Variants in OPCML observed in about 807,000 individuals in gnomAD.
The protein encoded by OPCML is opioid-binding protein/cell adhesion molecule.
A neutral mutation model predicts 37.8 loss-of-function variants in OPCML; 13 were observed. The ratio of observed to expected loss-of-function variants is 0.34; its 90% confidence interval spans 0.22 to 0.55. OPCML has a LOEUF of 0.55. Among genes scored for constraint, OPCML ranks in the 20% least tolerant of loss-of-function variants. The pLI is 0.91. For missense variants in OPCML, 341 were observed against 435.6 expected (o/e 0.78, Z 1.93); for synonymous variants, 176 against 168.8 (o/e 1.04, Z -0.33).
intron 2 of OPCML, among the ~76,000 whole-genome samples, chr11:132,692,089 G>C (rs1159810309): frequency 1.3e-5 from 2 of 152,186 alleles, no homozygotes; most frequent in Admixed American, 6.5e-5. Flanking sequence ...CTGATTTCTA[G>C]TGTTCTTCAA....
chr11:132,441,158 C>CT lies in OPCML; in HGVS notation c.506-3800dup, dbSNP rs749099654. On this transcript the variant is annotated intron_variant, in intron 4 of 7. Transcript: ENST00000524381. ...ATTCTGAAGATGTGTTCACCAAGGACTTTTTTGTTTTTTTTTTTTTTTTTT... is the reference window on the plus strand; with the variant it reads ...ATTCTGAAGATGTGTTCACCAAGGACTTTTTTTGTTTTTTTTTTTTTTTTTT... Among the ~76,000 whole-genome samples, 234 of 108,014 alleles carry CT rather than the reference C, an allele frequency of 2.2e-3. 24 individuals are homozygous for CT. The highest frequency in any genetic ancestry group is 8.6e-3 in the African/African-American group (195 of 22,744). 70.9% of individuals were successfully genotyped at this position (108,014 alleles called of 152,430 possible).
intron 2 of OPCML, among the ~76,000 whole-genome samples, chr11:132,685,737 A>G (rs1943137161): frequency 6.6e-6 from 1 of 152,214 alleles, no homozygotes; most frequent in Non-Finnish European, 1.5e-5. Context: ...TATCAGAAAT[A>G]AACACAGTTC....
chr11:133,451,761 G>A (rs950777385), intron 1 of OPCML, among the ~76,000 whole-genome samples: 1 of 151,246 alleles, frequency 6.6e-6, no homozygotes, highest in African/African-American at 2.5e-5. Context: ...AGAATTGCTT[G>A]AACCCGGGAG....
chr11:133,298,352 C>T (rs1942681085), intron 1 of OPCML: 1 of 152,108 alleles, frequency 6.6e-6, no homozygotes, highest in African/African-American at 2.4e-5. Context: ...GTAAGAAAGA[C>T]AGAAAATGGT....
chr11:133,203,067 C>A (rs748935334), intron 1 of OPCML, among the ~76,000 whole-genome samples: 1 of 152,202 alleles, frequency 6.6e-6, no homozygotes, highest in Admixed American at 6.5e-5. Context: ...CACCATCACA[C>A]AAACACAGAG....
intron 1 of OPCML, among the ~76,000 whole-genome samples, chr11:133,049,377 T>A (rs1948086863): frequency 6.6e-6 from 1 of 152,054 alleles, no homozygotes; most frequent in Non-Finnish European, 1.5e-5. Flanking sequence ...CAGCCTGGGG[T>A]AGTGGAGTGA....
intron 1 of OPCML, among the ~76,000 whole-genome samples, chr11:133,403,171 T>C (rs531918229): frequency 6.6e-6 from 1 of 152,342 alleles, no homozygotes; most frequent in African/African-American, 2.4e-5. Flanking sequence ...AGGCAATGTG[T>C]AAATCTCACT....
At chr11:133,429,534 T>TA (rs754120079) in intron 1 of OPCML, among the ~76,000 whole-genome samples, 7 of 152,270 alleles carry the variant, frequency 4.6e-5, no homozygotes, top group Non-Finnish European at 7.4e-5. Flanking sequence ...GAAACAAGAC[T>TA]AAAATTGGGA....
At chr11:132,850,397 G>T (rs777667115) in intron 2 of OPCML, among the ~76,000 whole-genome samples, 7 of 152,140 alleles carry the variant, frequency 4.6e-5, no homozygotes, top group Admixed American at 3.9e-4. Context: ...AGTGCTGGTA[G>T]ATTTCTCAAA....
At chr11:133,193,607 C>T (rs1023579388) in intron 1 of OPCML, among the ~76,000 whole-genome samples, 4 of 152,120 alleles carry the variant, frequency 2.6e-5, no homozygotes, top group African/African-American at 9.7e-5. Flanking sequence ...TAAACACCTG[C>T]TCCTTTTGGA....
intron 2 of OPCML, among the ~76,000 whole-genome samples, chr11:132,839,633 T>A (rs1941202044): frequency 6.6e-6 from 1 of 152,138 alleles, no homozygotes; most frequent in Non-Finnish European, 1.5e-5. Context: ...ACACTGCTGT[T>A]GTTGACGCTG....
At chr11:132,653,042 T>A (rs992474878) in intron 3 of OPCML, among the ~76,000 whole-genome samples, 1 of 152,234 alleles carries the variant, frequency 6.6e-6, no homozygotes, top group African/African-American at 2.4e-5. Context: ...AGGAAATTCA[T>A]GCTGAATCTC....
intron 1 of OPCML, chr11:133,007,837 T>A (rs1205198853): frequency 1.0e-6 from 1 of 985,444 alleles, no homozygotes; most frequent in Admixed American, 6.1e-5. Context: ...TTGCAGTTGA[T>A]ACACGGATGG....
chr11:132,828,678 A>G (rs1565893571), intron 2 of OPCML, among the ~76,000 whole-genome samples: 1 of 152,202 alleles, frequency 6.6e-6, no homozygotes, highest in Admixed American at 6.5e-5. Context: ...CTCATGTCAT[A>G]GGCAAATGAC....
chr11:133,499,874 A>ATATAT (rs1555167659), intron 1 of OPCML, among the ~76,000 whole-genome samples: 1 of 120,282 alleles, frequency 8.3e-6, no homozygotes, highest in African/African-American at 3.7e-5. Context: ...ATATATATAT[A>ATATAT]TTTTTTTTTT....
chr11:132,472,866 T>C (rs1177096655), intron 4 of OPCML, among the ~76,000 whole-genome samples: 1 of 152,232 alleles, frequency 6.6e-6, no homozygotes, highest in Non-Finnish European at 1.5e-5. Flanking sequence ...CTCAGTTTCA[T>C]CAAATCAACA....
chr11:133,048,407 A>G (rs1948063321), intron 1 of OPCML, among the ~76,000 whole-genome samples: 1 of 152,102 alleles, frequency 6.6e-6, no homozygotes, highest in Non-Finnish European at 1.5e-5. Flanking sequence ...TATTGACTGC[A>G]TTAGGAGAGA....
intron 1 of OPCML, among the ~76,000 whole-genome samples, chr11:133,187,668 C>A (rs1938146473): frequency 6.6e-6 from 1 of 152,124 alleles, no homozygotes; most frequent in African/African-American, 2.4e-5. Flanking sequence ...GGGCACCCAG[C>A]AGCTGTGCAA....
At position 133,173,280 on chromosome 11, in the gene OPCML, C is replaced by T. The variant is rs1217173060; in HGVS notation, c.62-230270G>A. 6.6e-6 allele frequency among the ~76,000 whole-genome samples: 1 copy of T among 152,196 alleles called. No individual in the cohort carries two copies. The highest frequency in any genetic ancestry group is 2.4e-5 in the African/African-American group (1 of 41,444). ...CAGAATGTTATCATTAACATTGTTA[C>T]AGCTATAATAACATGATTATTTAAT... On this transcript the variant is annotated intron_variant, in intron 1 of 7. Coordinates refer to ENST00000524381, the MANE Select transcript of OPCML (RefSeq NM_001012393.5). The surrounding 1 kb of genome is among the most constrained non-coding windows in gnomAD (Gnocchi z 7.8).
Sources: gnomAD v4.1 joint callset for allele counts (sites outside exome capture counted in the v4.1 genomes callset) on GRCh38, gnomAD v4.1.1 for gene constraint, Gnocchi (gnomAD v3.1) non-coding constraint, MANE v1.5 for transcripts, NCBI Gene and HGNC (gene_info 2026-07-23, HGNC 2026-07-21) for gene names.